TBC1D10B: variants seen among roughly 807,000 people sequenced by gnomAD.
TBC1D10B encodes the protein Rab27A-GAPbeta.
A neutral mutation model predicts 78.4 loss-of-function variants in TBC1D10B; 25 were observed. That is an observed-to-expected ratio of 0.32 (90% CI 0.23 to 0.45). TBC1D10B has a LOEUF of 0.45. Among genes scored for constraint, TBC1D10B ranks in the 20% least tolerant of loss-of-function variants. TBC1D10B has a pLI of 1.00. For synonymous variants in TBC1D10B, 517 were observed against 478.0 expected (o/e 1.08, Z -1.06); for missense variants, 996 against 1,104.8 (o/e 0.90, Z 1.40).
chr16:30,369,872 C>T lies in TBC1D10B; in HGVS notation c.312G>A (p.Gln104=). Residue 104 remains glutamine (Q), a synonymous_variant, in exon 1 of 9, where the codon CAG becomes CAA. Transcript: ENST00000409939. This position sits in a 1 kb window ranked among gnomAD's most constrained non-coding sequence, Gnocchi z 4.3. ...LEASPEAPKP[Q]LPSGPESPEP... is the part of the protein sequence containing the mutation. ...CTGGGGATTCCGGGCCGGAGGGGAG[C>T]TGCGGCTTTGGGGCTTCGGGCGAGG... The T allele has an allele frequency of 7.1e-7, 1 of 1,399,716 alleles. No individual in the cohort carries two copies. Among genetic ancestry groups the T allele is most frequent in the South Asian group, 1.6e-5 (1 of 62,482 alleles). 86.7% of individuals were successfully genotyped at this position (1,399,716 alleles called of 1,614,324 possible).
chr16:30,358,151 C>A lies in TBC1D10B; in HGVS notation c.2220G>T (p.Lys740Asn). ...KQEKERQKQEKEREKERQKQE... is the reference protein window; with the variant it reads ...KQEKERQKQENEREKERQKQE... Reference sequence around the variant, plus strand: ...GCTTCTGCCGCTCCTTCTCCCGCTCCTTCTCCTGTTTCTGCCGCTCCTTCT... The same window carrying A: ...GCTTCTGCCGCTCCTTCTCCCGCTCATTCTCCTGTTTCTGCCGCTCCTTCT... Residue 740 changes from lysine (K) to asparagine (N), a missense_variant, in exon 9 of 9, where the codon AAG becomes AAT. Coordinates refer to ENST00000409939, the MANE Select transcript of TBC1D10B (RefSeq NM_015527.4). The A allele has an allele frequency of 6.5e-7, 1 of 1,549,820 alleles. No individual in the cohort carries two copies.
intron 4 of TBC1D10B, 92 bp downstream of exon 4, chr16:30,364,808 C>A (rs2049624094): frequency 1.6e-6 from 2 of 1,246,574 alleles, no homozygotes; most frequent in Non-Finnish European, 2.2e-6. Context: ...AGGGCAAAAA[C>A]CACTTTCGAC....
At chr16:30,364,756 T>C in intron 4 of TBC1D10B, 144 bp downstream of exon 4, 1 of 702,984 alleles carries the variant, frequency 1.4e-6, no homozygotes, top group South Asian at 1.9e-5. Context: ...TGACATGGCT[T>C]GACACTTAGT....
Position 30,365,223 on chromosome 16 carries a change from G to A in TBC1D10B, c.1057-11C>T, listed in dbSNP as rs781714914. The A allele has an allele frequency of 3.7e-6, 6 of 1,612,358 alleles. No individual in the cohort carries two copies. Among genetic ancestry groups the A allele is most frequent in the Non-Finnish European group, 5.1e-6 (6 of 1,178,584 alleles). On this transcript the variant is annotated splice_polypyrimidine_tract_variant and intron_variant, in intron 2 of 8. Transcript: ENST00000409939. This position sits in a 1 kb window ranked among gnomAD's most constrained non-coding sequence, Gnocchi z 5.0. ...GCAGCGCAGCTTCACCTAAGGCAAA[G>A]TGGCAGGAGGGGGACAGCTTCAAGG...
chr16:30,364,606 A>T (rs1436016801), intron 4 of TBC1D10B, among the ~76,000 whole-genome samples: 2 of 151,796 alleles, frequency 1.3e-5, no homozygotes, highest in African/African-American at 4.8e-5. Context: ...CTTTTCCATA[A>T]CCCCCAGGCA....
Position 30,369,993 on chromosome 16 carries a change from G to A in TBC1D10B, c.191C>T (p.Pro64Leu), listed in dbSNP as rs1385638546. 2.4e-6 allele frequency: 3 copies of A among 1,235,004 alleles called. No individual in the cohort carries two copies. Among genetic ancestry groups the A allele is most frequent in the South Asian group, 3.9e-5 (1 of 25,730 alleles). 76.5% of individuals were successfully genotyped at this position (1,235,004 alleles called of 1,614,324 possible). ...CGGAGCAGAGGTCTCGGCCGACCCCGGGACCCAGGCGGGCCGCGCCTCCCC... is the reference window on the plus strand; with the variant it reads ...CGGAGCAGAGGTCTCGGCCGACCCCAGGACCCAGGCGGGCCGCGCCTCCCC... ...APGEARPAWV[P>L]GSAETSAPAP... Residue 64 changes from proline to leucine, a missense_variant, in exon 1 of 9, where the codon CCG (proline) becomes CTG (leucine). Around this residue, in one of 5 missense-constraint regions of TBC1D10B, gnomAD observed 448 missense variants for 442.1 expected, o/e 1.01. Transcript: ENST00000409939. This position sits in a 1 kb window ranked among gnomAD's most constrained non-coding sequence, Gnocchi z 4.3.
In TBC1D10B at chr16:30,357,442, A is replaced by C; in HGVS notation, c.*502T>G. 5.8e-6 allele frequency: 1 copy of C among 173,498 alleles called. No individual in the cohort carries two copies. The highest frequency in any genetic ancestry group is 5.3e-5 in the Admixed American group (1 of 18,736). The allele number at this position is 173,498 out of a possible 1,614,324, so 10.7% of individuals were successfully genotyped here. ...TGGAAGGAGAACCAAAGGACAGAAG[A>C]CAAAGCGAGCACCCCCACCCCAGGC... On this transcript the variant is annotated 3_prime_UTR_variant, in exon 9 of 9. Transcript: ENST00000409939.
At position 30,369,615 on chromosome 16, in the gene TBC1D10B, C is replaced by G; in HGVS notation, c.569G>C (p.Gly190Ala). The change falls in exon 1 of 9, where the codon GGA (glycine) becomes GCA (alanine). Residue 190 changes from glycine to alanine, a missense_variant. Around this residue, in one of 5 missense-constraint regions of TBC1D10B, gnomAD observed 448 missense variants for 442.1 expected, o/e 1.01. Coordinates refer to ENST00000409939, the MANE Select transcript of TBC1D10B (RefSeq NM_015527.4). The surrounding 1 kb of genome is among the most constrained non-coding windows in gnomAD (Gnocchi z 4.3). Reference sequence around the variant, plus strand: ...AGCTCCATGCCCACCTGTCACTTGTCCTGATGCACTCCGTGCAGTCACTCC... The same window carrying G: ...AGCTCCATGCCCACCTGTCACTTGTGCTGATGCACTCCGTGCAGTCACTCC... The part of the protein sequence containing the change: ...ASGVTARSAS[G>A]QVTGGHGAAA... 1 of 1,527,090 alleles carries G rather than the reference C, an allele frequency of 6.5e-7. No homozygotes were observed. Among genetic ancestry groups the G allele is most frequent in the Non-Finnish European group, 8.8e-7 (1 of 1,134,460 alleles). 94.6% of individuals were successfully genotyped at this position (1,527,090 alleles called of 1,614,324 possible).
At position 30,359,613 on chromosome 16, in the gene TBC1D10B, G is replaced by A. The variant is rs1437787103; in HGVS notation, c.1387-10C>T. ...GGCACCAAAAGGCTTGCTGAGAAGA[G>A]CAAGAACAAGGAGGAGGGGTGGGGC... is the stretch of plus-strand genomic sequence containing the variant. On this transcript the variant is annotated splice_polypyrimidine_tract_variant and intron_variant, in intron 5 of 8. Coordinates refer to ENST00000409939, the MANE Select transcript of TBC1D10B (RefSeq NM_015527.4). 6.4e-7 allele frequency: 1 copy of A among 1,559,130 alleles called. No homozygotes were observed. The highest frequency in any genetic ancestry group is 8.7e-7 in the Non-Finnish European group (1 of 1,151,456).
chr16:30,366,763 G>A (rs1025377467), intron 1 of TBC1D10B: 4 of 152,206 alleles, frequency 2.6e-5, no homozygotes, highest in Admixed American at 1.3e-4. Context: ...AGTACTAGGA[G>A]GTGAGTAGAA....
Position 30,358,144 on chromosome 16 carries a change from C to G in TBC1D10B, c.2227G>C (p.Glu743Gln), listed in dbSNP as rs974392957. The change falls in exon 9 of 9, where the codon GAG becomes CAG. Residue 743 changes from glutamate (E) to glutamine (Q), a missense_variant. By Grantham distance (29) the Glu-to-Gln change is conservative. Coordinates refer to ENST00000409939, the MANE Select transcript of TBC1D10B (RefSeq NM_015527.4). The stretch of plus-strand genomic sequence containing the variant: ...TTCTCCTGCTTCTGCCGCTCCTTCT[C>G]CCGCTCCTTCTCCTGTTTCTGCCGC... Reference protein sequence around the residue: ...KERQKQEKEREKERQKQEKER... With the variant: ...KERQKQEKERQKERQKQEKER... 7 of 1,551,104 alleles carry G rather than the reference C, an allele frequency of 4.5e-6. No homozygotes were observed. Among genetic ancestry groups the G allele is most frequent in the Non-Finnish European group, 6.1e-6 (7 of 1,146,394 alleles).
Position 30,369,136 on chromosome 16 carries a change from C to T in TBC1D10B, c.956+92G>A, listed in dbSNP as rs1217050560. ...GGATCCTCAGAGGAGGCTGGGCTGCCAGAGTCTGGGCAAAGTGTATCGTTT... is the reference window on the plus strand; with the variant it reads ...GGATCCTCAGAGGAGGCTGGGCTGCTAGAGTCTGGGCAAAGTGTATCGTTT... On this transcript the variant is annotated intron_variant, in intron 1 of 8. Coordinates refer to ENST00000409939, the MANE Select transcript of TBC1D10B (RefSeq NM_015527.4). This position sits in a 1 kb window ranked among gnomAD's most constrained non-coding sequence, Gnocchi z 4.3. The T allele has an allele frequency of 1.9e-5, 26 of 1,343,060 alleles. No individual in the cohort carries two copies. Among genetic ancestry groups the T allele is most frequent in the Non-Finnish European group, 2.5e-5 (25 of 1,001,340 alleles). The allele number at this position is 1,343,060 out of a possible 1,614,324, so 83.2% of individuals were successfully genotyped here. A position where few individuals can be genotyped will look rare whatever the true frequency, so the allele number is the denominator to read the frequency against.
Position 30,358,152 on chromosome 16 carries a change from T to G in TBC1D10B, c.2219A>C (p.Lys740Thr). ...KQEKERQKQE[K>T]EREKERQKQE... ...CTTCTGCCGCTCCTTCTCCCGCTCC[T>G]TCTCCTGTTTCTGCCGCTCCTTCTC... Residue 740 changes from lysine to threonine, a missense_variant, in exon 9 of 9, where the codon AAG (lysine) becomes ACG (threonine). Lys to Thr is a moderately conservative substitution (Grantham distance 78). Transcript: ENST00000409939. The G allele has an allele frequency of 6.5e-7, 1 of 1,549,738 alleles. No homozygotes were observed. The highest frequency in any genetic ancestry group is 8.7e-7 in the Non-Finnish European group (1 of 1,145,398).
In TBC1D10B at chr16:30,359,760, C is replaced by T; in HGVS notation, c.1353G>A (p.Val451=). Residue 451 remains valine, a synonymous_variant, in exon 5 of 9, where the codon GTG becomes GTA. Coordinates refer to ENST00000409939, the MANE Select transcript of TBC1D10B (RefSeq NM_015527.4). ...DEGYCQAQAP[V]AAVLLMHMPA... ...GCATGTGCATGAGCAGGACCGCAGC[C>T]ACGGGGGCCTGGGCCTGGCAGTAAC... 6.3e-7 allele frequency: 1 copy of T among 1,590,612 alleles called. No individual in the cohort carries two copies. The highest frequency in any genetic ancestry group is 8.6e-7 in the Non-Finnish European group (1 of 1,168,584).
chr16:30,365,697 C>T lies in TBC1D10B; in HGVS notation c.957-103G>A, dbSNP rs79962611. The T allele has an allele frequency of 2.7e-3, 2,988 of 1,087,730 alleles. 13 individuals carry two copies. The highest frequency in any genetic ancestry group is 4.6e-3 in the Middle Eastern group (23 of 4,964). 67.4% of individuals were successfully genotyped at this position (1,087,730 alleles called of 1,614,324 possible). On this transcript the variant is annotated intron_variant, in intron 1 of 8. Coordinates refer to ENST00000409939, the MANE Select transcript of TBC1D10B (RefSeq NM_015527.4). The surrounding 1 kb of genome is among the most constrained non-coding windows in gnomAD (Gnocchi z 5.0). ...CACCTCCCCAAGCTCAAACGAGAAA[C>T]TGGATAGTCTGTGAGCTGCCAAACA...
rs1370249739 is a variant in TBC1D10B at position 30,369,123 on chromosome 16, G to A, written c.956+105C>T. The A allele has an allele frequency of 8.3e-6, 10 of 1,209,270 alleles. No individual in the cohort carries two copies. The highest frequency in any genetic ancestry group is 1.6e-5 in the South Asian group (1 of 62,818). 74.9% of individuals were successfully genotyped at this position (1,209,270 alleles called of 1,614,324 possible). A position where few individuals can be genotyped will look rare whatever the true frequency, so the allele number is the denominator to read the frequency against. ...CTGATCACCCCGTGGATCCTCAGAG[G>A]AGGCTGGGCTGCCAGAGTCTGGGCA... On this transcript the variant is annotated intron_variant, in intron 1 of 8. Coordinates refer to ENST00000409939, the MANE Select transcript of TBC1D10B (RefSeq NM_015527.4). This position sits in a 1 kb window ranked among gnomAD's most constrained non-coding sequence, Gnocchi z 4.3.
At position 30,358,061 on chromosome 16, in the gene TBC1D10B, C is replaced by T; in HGVS notation, c.2310G>A (p.Gln770=). The change falls in exon 9 of 9, where the codon CAG becomes CAA. Residue 770 remains glutamine (Q), a synonymous_variant. Coordinates refer to ENST00000409939, the MANE Select transcript of TBC1D10B (RefSeq NM_015527.4). The stretch of plus-strand genomic sequence containing the variant: ...GCTTCCGGCCTTGAGCCTTCTTCTC[C>T]TGCTTCTGCCGCTCCTTCTCCTGCT... The part of the protein sequence containing the change: ...REKQEKERQK[Q]EKKAQGRKLS... The T allele has an allele frequency of 2.6e-6, 4 of 1,551,848 alleles. No homozygotes were observed. In the African/African-American group the frequency reaches 5.5e-5, roughly 21 times the overall value.
At chr16:30,363,107 C>T (rs2049609748) in intron 4 of TBC1D10B, among the ~76,000 whole-genome samples, 2 of 152,298 alleles carry the variant, frequency 1.3e-5, no homozygotes, top group South Asian at 4.1e-4. Context: ...TACCTTTACC[C>T]CATCTGTATT....
rs942919248 is a variant in TBC1D10B at position 30,358,382 on chromosome 16, A to C, written c.1989T>G (p.Pro663=). 10 of 1,564,832 alleles carry C rather than the reference A, an allele frequency of 6.4e-6. No individual in the cohort carries two copies. The highest frequency in any genetic ancestry group is 1.4e-5 in the African/African-American group (1 of 73,672). Residue 663 remains proline (P), a synonymous_variant, in exon 9 of 9, where the codon CCT becomes CCG. Transcript: ENST00000409939. The part of the protein sequence containing the change: ...LGPSSSLLSL[P]GLKSRGSRAA... ...CCCGGGAGCCTCGGCTCTTGAGGCC[A>C]GGGAGGCTGAGGAGGCTGGAGGAGG... is the stretch of plus-strand genomic sequence containing the variant.
Sources: gnomAD v4.1 joint callset for allele counts (sites outside exome capture counted in the v4.1 genomes callset) on GRCh38, gnomAD v4.1.1 for gene constraint, gnomAD v4.1.1 regional missense constraint, Gnocchi (gnomAD v3.1) non-coding constraint, MANE v1.5 for transcripts, NCBI Gene and HGNC (gene_info 2026-07-23, HGNC 2026-07-21) for gene names.